Variants in MGAT4C observed in about 807,000 individuals in gnomAD.
MGAT4C encodes the protein MGAT4 family member C.
In MGAT4C, 19 loss-of-function variants were observed where a neutral mutation model predicts 40.1. The ratio of observed to expected loss-of-function variants is 0.47; its 90% CI spans 0.33 to 0.70. The LOEUF (loss-of-function observed/expected upper bound fraction) is 0.70, where lower values mean the gene tolerates loss of function less well. MGAT4C is among the 30% of genes least tolerant of loss of function. The pLI is 0.02. For missense variants in MGAT4C, 491 were observed against 563.2 expected (o/e 0.87, Z 1.30); for synonymous variants, 181 against 187.1 (o/e 0.97, Z 0.27).
chr12:86,252,300 T>C (rs1952326326), intron 1 of MGAT4C, among the ~76,000 whole-genome samples: 1 of 152,058 alleles, frequency 6.6e-6, no homozygotes, highest in Non-Finnish European at 1.5e-5. Context: ...GGCTATTGTT[T>C]TATTATTATG....
At chr12:86,535,010 T>A (rs1959045537) in intron 2 of MGAT4C, among the ~76,000 whole-genome samples, 1 of 152,054 alleles carries the variant, frequency 6.6e-6, no homozygotes, top group Non-Finnish European at 1.5e-5. Context: ...TGCAAAATAC[T>A]CTAAATATAA....
rs146357321 is a variant in MGAT4C, at chr12:86,838,159, T to G, written c.-262+507A>C. Among the ~76,000 whole-genome samples the G allele has an allele frequency of 3.3e-5, 5 of 152,324 alleles. No individual in the cohort carries two copies. The East Asian group carries it at 9.7e-4, about 29-fold the overall frequency. ...TACATAATATTATCAAAAAGACTTATACTGAAGTTTCTTTAAATTAAATAC... is the reference window on the plus strand; with the variant it reads ...TACATAATATTATCAAAAAGACTTAGACTGAAGTTTCTTTAAATTAAATAC... On this transcript the variant is annotated intron_variant, in intron 1 of 7. Coordinates refer to the MGAT4C transcript ENST00000548651.
At chr12:86,270,017 C>T (rs975313221) in intron 4 of MGAT4C, among the ~76,000 whole-genome samples, 1 of 152,032 alleles carries the variant, frequency 6.6e-6, no homozygotes, top group Non-Finnish European at 1.5e-5. Flanking sequence ...TAGCACTTTT[C>T]ACCTCCCGTA....
chr12:86,271,175 A>G (rs899608422), intron 4 of MGAT4C, among the ~76,000 whole-genome samples: 1 of 152,230 alleles, frequency 6.6e-6, no homozygotes, highest in Non-Finnish European at 1.5e-5. Flanking sequence ...GGGCTATATT[A>G]AACTAAACAG....
At chr12:86,448,677 T>C (rs1957377652) in intron 2 of MGAT4C, among the ~76,000 whole-genome samples, 1 of 152,208 alleles carries the variant, frequency 6.6e-6, no homozygotes, top group East Asian at 1.9e-4. Context: ...AGCAAAAAAC[T>C]AAGCTAACAT....
intron 1 of MGAT4C, among the ~76,000 whole-genome samples, chr12:86,246,340 C>T (rs1285778170): frequency 1.3e-5 from 2 of 152,026 alleles, no homozygotes; most frequent in Non-Finnish European, 2.9e-5. Flanking sequence ...CGCCCGTCAA[C>T]CATTGCTTCT....
chr12:86,768,549 T>C (rs369658120), intron 1 of MGAT4C, among the ~76,000 whole-genome samples: 3,292 of 151,126 alleles, frequency 0.022, 104 homozygotes, highest in African/African-American at 0.073. Context: ...AAAAAGAGCC[T>C]GCATCGCCAA....
chr12:86,800,922 T>C (rs542914446), intron 1 of MGAT4C, among the ~76,000 whole-genome samples: 1 of 152,074 alleles, frequency 6.6e-6, no homozygotes, highest in Admixed American at 6.6e-5. Context: ...CCATGTTCTA[T>C]ATCTAATTGT....
intron 1 of MGAT4C, among the ~76,000 whole-genome samples, chr12:86,160,296 A>G (rs1367082476): frequency 1.3e-5 from 2 of 152,034 alleles, no homozygotes; most frequent in Non-Finnish European, 2.9e-5. Flanking sequence ...ATGTTTGCTC[A>G]GCAGTTATTT....
At chr12:86,014,324 G>T (rs1888838353) in intron 2 of MGAT4C, among the ~76,000 whole-genome samples, 1 of 152,106 alleles carries the variant, frequency 6.6e-6, no homozygotes, top group Non-Finnish European at 1.5e-5. Flanking sequence ...AGTTTTGGAC[G>T]TTCCATCCCT....
intron 2 of MGAT4C, among the ~76,000 whole-genome samples, chr12:86,462,122 TATTGCATGC>T (rs1482636307): frequency 6.6e-6 from 1 of 152,240 alleles, no homozygotes; most frequent in Non-Finnish European, 1.5e-5. Context: ...AAATAACTGA[TATTGCATGC>T]ATTCCTTGAT....
chr12:86,798,685 A>G (rs1952173315), intron 1 of MGAT4C, among the ~76,000 whole-genome samples: 1 of 151,892 alleles, frequency 6.6e-6, no homozygotes, highest in Admixed American at 6.6e-5. Context: ...TGAATGAAGT[A>G]TGCCATTGTA....
chr12:86,816,017 A>T (rs1047824883), intron 1 of MGAT4C, among the ~76,000 whole-genome samples: 1 of 151,954 alleles, frequency 6.6e-6, no homozygotes, highest in African/African-American at 2.4e-5. Context: ...AGGGTGAGAA[A>T]AAAAGAACAA....
chr12:86,068,817 A>T (rs1489985632), intron 1 of MGAT4C, among the ~76,000 whole-genome samples: 1 of 152,080 alleles, frequency 6.6e-6, no homozygotes, highest in African/African-American at 2.4e-5. Context: ...TACCTGTAGC[A>T]GTACAGTCTA....
chr12:86,617,359 A>G (rs576276463), intron 2 of MGAT4C, among the ~76,000 whole-genome samples: 2 of 152,332 alleles, frequency 1.3e-5, no homozygotes, highest in East Asian at 3.9e-4. Context: ...CACAGATTCA[A>G]CCAACTCCAA....
At chr12:86,512,458 C>T (rs1958605141) in intron 2 of MGAT4C, among the ~76,000 whole-genome samples, 1 of 152,076 alleles carries the variant, frequency 6.6e-6, no homozygotes, top group Non-Finnish European at 1.5e-5. Context: ...ATTTGCACTT[C>T]CATGCACTTC....
intron 2 of MGAT4C, among the ~76,000 whole-genome samples, chr12:86,031,349 G>A (rs1478787918): frequency 1.3e-5 from 2 of 151,670 alleles, no homozygotes; most frequent in African/African-American, 2.4e-5. Flanking sequence ...CATTATTTCC[G>A]TCTCTGCTGC....
At chr12:86,714,205 A>C (rs1950604564) in intron 2 of MGAT4C, among the ~76,000 whole-genome samples, 1 of 152,142 alleles carries the variant, frequency 6.6e-6, no homozygotes, top group African/African-American at 2.4e-5. Context: ...TTTTACCAAA[A>C]TGCAGGTTAG....
chr12:86,686,006 G>A (rs1300758750), intron 2 of MGAT4C, among the ~76,000 whole-genome samples: 1 of 151,256 alleles, frequency 6.6e-6, no homozygotes, highest in African/African-American at 2.4e-5. Flanking sequence ...GGGACTACAG[G>A]CACCTGCCAC....
Sources: gnomAD v4.1 joint callset for allele counts (sites outside exome capture counted in the v4.1 genomes callset) on GRCh38, gnomAD v4.1.1 for gene constraint, MANE v1.5 for transcripts, NCBI Gene and HGNC (gene_info 2026-07-23, HGNC 2026-07-21) for gene names.